The following FBXO11 variants were observed in gnomAD, a reference collection of about 807,000 sequenced individuals.
FBXO11 encodes the protein F-box only protein 11.
Under a neutral mutation model 117.0 loss-of-function variants are expected in FBXO11, and 13 were observed. That is an observed-to-expected ratio of 0.11 (90% CI 0.07 to 0.18). The LOEUF is 0.18. Among genes scored for constraint, FBXO11 ranks in the 10% least tolerant of loss-of-function variants. The pLI is 1.00. For missense variants in FBXO11, 767 were observed against 1,164.4 expected (o/e 0.66, Z 4.97); for synonymous variants, 490 against 380.5 (o/e 1.29, Z -3.35).
rs567348897 is a variant in FBXO11, at chr2:47,809,440, T to C, written c.2446+160A>G. 1.1e-4 allele frequency: 73 copies of C among 688,782 alleles called. No homozygotes were observed. The South Asian group carries it at 1.2e-3, about 11-fold the overall frequency. 42.7% of individuals were successfully genotyped at this position (688,782 alleles called of 1,614,324 possible). A position where few individuals can be genotyped will look rare whatever the true frequency, so the allele number is the denominator to read the frequency against. On this transcript the variant is annotated intron_variant, in intron 20 of 22. Transcript: ENST00000403359. ...AGAATAGAATTTTCCTTGTATAAGA[T>C]ACTCCAACCATTTAGAACCAAAGCT...
chr2:47,827,985 C>G (rs1429047215), intron 11 of FBXO11, among the ~76,000 whole-genome samples: 2 of 152,016 alleles, frequency 1.3e-5, no homozygotes, highest in African/African-American at 2.4e-5. Context: ...AGCTACCAAG[C>G]CCGGCTGAAA....
intron 1 of FBXO11, among the ~76,000 whole-genome samples, chr2:47,853,110 C>A (rs1674001673): frequency 6.7e-6 from 1 of 150,150 alleles, no homozygotes; most frequent in African/African-American, 2.5e-5. Context: ...CTTGCTCTGT[C>A]ACCCAGGCTA....
chr2:47,903,767 A>AT (rs760723840), intron 1 of FBXO11, among the ~76,000 whole-genome samples: 1 of 152,206 alleles, frequency 6.6e-6, no homozygotes, highest in Non-Finnish European at 1.5e-5. Context: ...ATCGAGTGTC[A>AT]TTGTTTTCTC....
chr2:47,901,875 A>C (rs1235260383), intron 1 of FBXO11, among the ~76,000 whole-genome samples: 1 of 152,262 alleles, frequency 6.6e-6, no homozygotes, highest in Non-Finnish European at 1.5e-5. Flanking sequence ...TCAAAAATCC[A>C]ATCCCACACT....
chr2:47,891,939 T>A (rs1558478675), intron 1 of FBXO11, among the ~76,000 whole-genome samples: 2 of 152,176 alleles, frequency 1.3e-5, no homozygotes, highest in Non-Finnish European at 2.9e-5. Context: ...TCTATTGAAG[T>A]CTTTAGCTCA....
At chr2:47,836,614 C>A (rs1357978979) in intron 4 of FBXO11, among the ~76,000 whole-genome samples, 1 of 151,830 alleles carries the variant, frequency 6.6e-6, no homozygotes, top group Admixed American at 6.6e-5. Context: ...CCATGCCTGG[C>A]CGAAAATTAG....
chr2:47,838,243 A>C (rs996378589), intron 4 of FBXO11, among the ~76,000 whole-genome samples: 1 of 152,042 alleles, frequency 6.6e-6, no homozygotes, highest in African/African-American at 2.4e-5. Context: ...TCAAAAAACA[A>C]ATGAAAATCT....
At chr2:47,900,699 C>T (rs1323706986) in intron 1 of FBXO11, among the ~76,000 whole-genome samples, 1 of 91,578 alleles carries the variant, frequency 1.1e-5, no homozygotes, top group Non-Finnish European at 2.5e-5. Context: ...CACGTATACA[C>T]ACACGTGTAT....
chr2:47,900,665 TACGTATATACACACGTATAC>T lies in FBXO11; in HGVS notation c.232+4804_232+4823del, dbSNP rs1678099349. 1.3e-4 allele frequency among the ~76,000 whole-genome samples: 9 copies of T among 66,940 alleles called. 1 individual carries two copies. Among genetic ancestry groups the T allele is most frequent in the Admixed American group, 1.9e-4 (1 of 5,250 alleles). The allele number at this position is 66,940 out of a possible 152,430, so 43.9% of individuals were successfully genotyped here. A position where few individuals can be genotyped will look rare whatever the true frequency, so the allele number is the denominator to read the frequency against. ...GTATATACACACGTATACACACACGTACGTATATACACACGTATACACACACGTATACACACACGTGTATA... is the reference window on the plus strand; with the variant it reads ...GTATATACACACGTATACACACACGTACACACGTATACACACACGTGTATA... On this transcript the variant is annotated intron_variant, in intron 1 of 22. Transcript: ENST00000403359.
At chr2:47,862,709 A>G (rs766485486) in intron 1 of FBXO11, among the ~76,000 whole-genome samples, 12 of 152,182 alleles carry the variant, frequency 7.9e-5, no homozygotes, top group Non-Finnish European at 1.6e-4. Flanking sequence ...AATGCTGTAT[A>G]ATAACTATAA....
chr2:47,851,199 G>A (rs372834007), intron 1 of FBXO11, among the ~76,000 whole-genome samples: 20 of 152,042 alleles, frequency 1.3e-4, no homozygotes, highest in East Asian at 1.2e-3. Context: ...ACTCACAGAC[G>A]TTATTAACTA....
chr2:47,844,527 C>A (rs1452342842), intron 1 of FBXO11, among the ~76,000 whole-genome samples: 2 of 152,230 alleles, frequency 1.3e-5, no homozygotes, highest in African/African-American at 4.8e-5. Context: ...TACAGCAACA[C>A]TAGCTCCCGC....
chr2:47,852,153 C>T (rs1673915739), intron 1 of FBXO11, among the ~76,000 whole-genome samples: 2 of 152,124 alleles, frequency 1.3e-5, no homozygotes, highest in Non-Finnish European at 2.9e-5. Flanking sequence ...CCACACCCGG[C>T]TAATTTTTGT....
At chr2:47,901,695 C>G (rs1034669218) in intron 1 of FBXO11, among the ~76,000 whole-genome samples, 3 of 152,084 alleles carry the variant, frequency 2.0e-5, no homozygotes, top group African/African-American at 4.8e-5. Flanking sequence ...ATTTTAACAA[C>G]TAAAATCTAC....
chr2:47,838,047 G>A (rs1319392258), intron 4 of FBXO11, among the ~76,000 whole-genome samples: 5 of 139,968 alleles, frequency 3.6e-5, no homozygotes, highest in African/African-American at 1.1e-4. Flanking sequence ...GTAACAGAGT[G>A]AGACCCTTTG....
intron 1 of FBXO11, among the ~76,000 whole-genome samples, chr2:47,902,361 T>G (rs990645323): frequency 6.6e-6 from 1 of 152,224 alleles, no homozygotes; most frequent in African/African-American, 2.4e-5. Flanking sequence ...GTGAACACAA[T>G]AGTCCATGAA....
intron 1 of FBXO11, among the ~76,000 whole-genome samples, chr2:47,844,183 A>C (rs193223715): frequency 3.3e-5 from 5 of 152,196 alleles, no homozygotes; most frequent in African/African-American, 9.6e-5. Flanking sequence ...ATTTTTTCCA[A>C]GTTTTACTGT....
At chr2:47,819,384 T>G (rs1206540804) in intron 14 of FBXO11, among the ~76,000 whole-genome samples, 1 of 152,114 alleles carries the variant, frequency 6.6e-6, no homozygotes, top group African/African-American at 2.4e-5. Context: ...CCTGGCTAAT[T>G]TTTGTATTTT....
intron 19 of FBXO11, 24 bp from the exon 20 acceptor site, chr2:47,809,731 T>A: frequency 6.8e-7 from 1 of 1,474,294 alleles, no homozygotes; most frequent in Non-Finnish European, 9.5e-7. Flanking sequence ...TACAAACAAG[T>A]AGATACATCA....
Sources: allele counts gnomAD v4.1 joint callset (sites outside exome capture counted in the v4.1 genomes callset), GRCh38; gene constraint gnomAD v4.1.1; transcripts MANE v1.5; gene names NCBI Gene and HGNC (gene_info 2026-07-23, HGNC 2026-07-21).